The following CREBZF variants were observed in gnomAD, a reference collection of about 807,000 sequenced individuals.
The protein encoded by CREBZF is CREB/ATF bZIP transcription factor, also known as HCF-binding transcription factor Zhangfei.
In CREBZF, 8 loss-of-function variants were observed where a neutral mutation model predicts 21.1. The observed-to-expected ratio is 0.38, with a 90% CI of 0.22 to 0.68. The LOEUF is 0.68. Ranked by LOEUF, CREBZF falls within the 30% of genes least tolerant of loss-of-function variation. CREBZF has a pLI of 0.51. For missense variants in CREBZF, 518 were observed against 484.3 expected, an observed-to-expected ratio of 1.07 and a Z score of -0.65; for synonymous variants, 270 against 223.3, an observed-to-expected ratio of 1.21 and a Z score of -1.86.
In CREBZF at chr11:85,660,486, TCAGCAGA is replaced by T; in HGVS notation, c.*3318_*3324del. On this transcript the variant is annotated 3_prime_UTR_variant, in exon 1 of 1. Transcript: ENST00000527447. ...AACTTGAAAATGGCATTCATTTTTT[TCAGCAGA>T]TGCCAAATTTTTGACCGACATGGTT... The T allele has an allele frequency of 2.5e-6, 1 of 404,674 alleles. No individual in the cohort carries two copies. The highest frequency in any genetic ancestry group is 4.8e-6 in the Non-Finnish European group (1 of 206,434). 25.1% of individuals were successfully genotyped at this position (404,674 alleles called of 1,614,324 possible).
At chr11:85,667,214 C>T (rs944260543), upstream of CREBZF, among the ~76,000 whole-genome samples, 1 of 151,084 alleles carries the variant, frequency 6.6e-6, no homozygotes. Flanking sequence ...GCCGCCAACC[C>T]CCACCCACTA....
chr11:85,681,545 C>T (rs1030493497), intron 1 of CREBZF, among the ~76,000 whole-genome samples: 4 of 152,196 alleles, frequency 2.6e-5, no homozygotes, highest in Non-Finnish European at 5.9e-5. Context: ...TTCCTTAGGG[C>T]ACCCTGAAGA....
At chr11:85,682,836 A>G (rs1335689202) in exon 1 of CREBZF, 1 of 702,166 alleles carries the variant, frequency 1.4e-6, no homozygotes, top group South Asian at 1.5e-5. Flanking sequence ...TTTGGGATGG[A>G]TGAGCCGAGC....
chr11:85,682,378 T>C (rs1234112217), intron 1 of CREBZF, among the ~76,000 whole-genome samples: 2 of 152,174 alleles, frequency 1.3e-5, no homozygotes, highest in Non-Finnish European at 2.9e-5. Context: ...ATCTTTGGCT[T>C]TCTACTCTCA....
chr11:85,665,905 G>A (rs2082854385), upstream of CREBZF, among the ~76,000 whole-genome samples: 1 of 152,128 alleles, frequency 6.6e-6, no homozygotes, highest in Middle Eastern at 3.2e-3. Flanking sequence ...AAACCACAAC[G>A]TTGCACAAAG....
chr11:85,677,523 A>C (rs1019321054), intron 1 of CREBZF, among the ~76,000 whole-genome samples: 1 of 152,114 alleles, frequency 6.6e-6, no homozygotes, highest in Admixed American at 6.6e-5. Flanking sequence ...TGTCCTATTG[A>C]ATGTCCCATA....
In CREBZF at chr11:85,658,192, TAGAATTATGTAATCAACTTAGATA is replaced by T. The variant is rs1209790789; in HGVS notation, c.*5595_*5618del. Among the ~76,000 whole-genome samples the T allele has an allele frequency of 6.6e-6, 1 of 151,994 alleles. No individual in the cohort carries two copies. The highest frequency in any genetic ancestry group is 1.5e-5 in the Non-Finnish European group (1 of 67,858). ...ACCGAGTTAAGACTCCTTAAGAATATAGAATTATGTAATCAACTTAGATAATTCAAAGCCCAATGATATAACTAA... is the reference window on the plus strand; with the variant it reads ...ACCGAGTTAAGACTCCTTAAGAATATATTCAAAGCCCAATGATATAACTAA... On this transcript the variant is annotated 3_prime_UTR_variant, in exon 1 of 1. Transcript: ENST00000527447.
chr11:85,676,970 C>CTTTTTTTTTTTTTTTTTT lies in CREBZF; in HGVS notation n.147+5746_147+5747insAAAAAAAAAAAAAAAAAA, dbSNP rs1422368391. On this transcript the variant is annotated intron_variant and non_coding_transcript_variant, in intron 1 of 3. Coordinates refer to the CREBZF transcript ENST00000531515. Reference sequence around the variant, plus strand: ...TAAAGTAATTTTTTTCTTTTTCTGTCTTTTTTTTTTTGAGACAGAATGTCA... The same window carrying CTTTTTTTTTTTTTTTTTT: ...TAAAGTAATTTTTTTCTTTTTCTGTCTTTTTTTTTTTTTTTTTTTTTTTTTTTTTGAGACAGAATGTCA... 8.4e-4 allele frequency among the ~76,000 whole-genome samples: 100 copies of CTTTTTTTTTTTTTTTTTT among 118,626 alleles called. 4 individuals are homozygous for CTTTTTTTTTTTTTTTTTT. The highest frequency in any genetic ancestry group is 1.8e-3 in the East Asian group (7 of 3,960). 77.8% of individuals were successfully genotyped at this position (118,626 alleles called of 152,430 possible). A position where few individuals can be genotyped will look rare whatever the true frequency, so the allele number is the denominator to read the frequency against.
intron 1 of CREBZF, chr11:85,682,656 T>A (rs967554162): frequency 2.5e-6 from 1 of 401,750 alleles, no homozygotes; most frequent in Non-Finnish European, 4.4e-6. Flanking sequence ...TAACGTGGAG[T>A]CCCTGGAGCC....
chr11:85,680,542 G>A (rs895271748), intron 1 of CREBZF, among the ~76,000 whole-genome samples: 2 of 152,196 alleles, frequency 1.3e-5, no homozygotes, highest in Non-Finnish European at 2.9e-5. Flanking sequence ...TCAGTTGAAT[G>A]TGTAATGAAT....
chr11:85,665,164 C>T (rs1457088276), upstream of CREBZF: 7 of 386,602 alleles, frequency 1.8e-5, no homozygotes, highest in South Asian at 1.3e-4. Flanking sequence ...CACCGCGTTT[C>T]GCGCGCCACC....
rs1419905770 is a variant in CREBZF at position 85,660,017 on chromosome 11, A to T, written c.*3794T>A. ...AATCATAATCAACTTTTTCAAAGAT[A>T]TACAAATCAATGCATCTATTTAAAA... is the stretch of plus-strand genomic sequence containing the variant. On this transcript the variant is annotated 3_prime_UTR_variant, in exon 1 of 1. Transcript: ENST00000527447. 1 of 152,252 alleles carries T rather than the reference A, an allele frequency of 6.6e-6. No homozygotes were observed. Among genetic ancestry groups the T allele is most frequent in the South Asian group, 2.1e-4 (1 of 4,832 alleles). 9.4% of individuals were successfully genotyped at this position (152,252 alleles called of 1,614,324 possible).
At chr11:85,669,061 A>G (rs2082893198), upstream of CREBZF, among the ~76,000 whole-genome samples, 1 of 137,588 alleles carries the variant, frequency 7.3e-6, no homozygotes. Context: ...TCCTATTTGT[A>G]TTTTACATGG....
Position 85,663,306 on chromosome 11 carries a change from A to T in CREBZF, c.*505T>A, listed in dbSNP as rs2082740015. 5.1e-6 allele frequency: 3 copies of T among 586,942 alleles called. No homozygotes were observed. The highest frequency in any genetic ancestry group is 3.7e-5 in the African/African-American group (2 of 53,510). The allele number at this position is 586,942 out of a possible 1,614,324, so 36.4% of individuals were successfully genotyped here. A position where few individuals can be genotyped will look rare whatever the true frequency, so the allele number is the denominator to read the frequency against. Reference sequence around the variant, plus strand: ...GGTACACGCAAGTCTGAATAAGGGGACACATTAATAGCTATTTCAACCAGA... The same window carrying T: ...GGTACACGCAAGTCTGAATAAGGGGTCACATTAATAGCTATTTCAACCAGA... On this transcript the variant is annotated 3_prime_UTR_variant, in exon 1 of 1. Transcript: ENST00000527447.
intron 1 of CREBZF, among the ~76,000 whole-genome samples, chr11:85,671,890 G>T (rs150451690): frequency 6.6e-6 from 1 of 152,224 alleles, no homozygotes; most frequent in Non-Finnish European, 1.5e-5. Flanking sequence ...CTGGAGGATG[G>T]TGACCCTCTT....
chr11:85,671,570 C>G (rs2082912013), intron 1 of CREBZF, among the ~76,000 whole-genome samples: 1 of 152,250 alleles, frequency 6.6e-6, no homozygotes, highest in African/African-American at 2.4e-5. Flanking sequence ...AATGAGGGTA[C>G]AGGCATTGGG....
chr11:85,682,542 G>A (rs1421946559), intron 1 of CREBZF, among the ~76,000 whole-genome samples: 1 of 152,090 alleles, frequency 6.6e-6, no homozygotes, highest in Non-Finnish European at 1.5e-5. Context: ...TCAGACCAGG[G>A]CAACTGGGCT....
exon 1 of CREBZF, chr11:85,682,813 C>T (rs1409542729): frequency 1.4e-6 from 1 of 702,106 alleles, no homozygotes; most frequent in Admixed American, 2.0e-5. Flanking sequence ...CAAGGATTAC[C>T]ACGGGGCCGC....
intron 1 of CREBZF, among the ~76,000 whole-genome samples, chr11:85,672,619 G>C (rs938178508): frequency 1.3e-5 from 2 of 150,982 alleles, no homozygotes; most frequent in African/African-American, 5.0e-5. Flanking sequence ...CCACTTCCAG[G>C]TGGCTCATTC....
Sources: gnomAD v4.1 joint callset for allele counts (sites outside exome capture counted in the v4.1 genomes callset) on GRCh38, gnomAD v4.1.1 for gene constraint, MANE v1.5 for transcripts, NCBI Gene and HGNC (gene_info 2026-07-23, HGNC 2026-07-21) for gene names.